The following TESMIN variants were observed in gnomAD, a reference collection of about 807,000 sequenced individuals.
TESMIN encodes CXC domain containing 2.
TESMIN carries 34 observed loss-of-function variants against 47.4 expected under a neutral mutation model. The observed-to-expected ratio is 0.72, with a 90% CI of 0.55 to 0.96. The LOEUF is 0.96. TESMIN is among the 40% of genes least tolerant of loss of function. The probability of loss-of-function intolerance (pLI) is 0.00; values close to 1 mark genes in which losing one functional copy is unlikely to be tolerated. For synonymous variants in TESMIN, 278 were observed against 258.9 expected, an observed-to-expected ratio of 1.07 and a Z score of -0.71; for missense variants, 610 against 637.2, an observed-to-expected ratio of 0.96 and a Z score of 0.46.
At chr11:68,731,054 G>C (rs935575898) in intron 6 of TESMIN, among the ~76,000 whole-genome samples, 4 of 152,176 alleles carry the variant, frequency 2.6e-5, no homozygotes, top group African/African-American at 9.7e-5. Context: ...GGAGGAAGAT[G>C]AACGAGTAAA....
chr11:68,746,344 C>G (rs1352260590), intron 3 of TESMIN, among the ~76,000 whole-genome samples: 1 of 152,170 alleles, frequency 6.6e-6, no homozygotes, highest in African/African-American at 2.4e-5. Flanking sequence ...TCCTGCTGAC[C>G]TGCTTTTAGG....
At chr11:68,737,141 A>C in intron 6 of TESMIN, 1 of 985,436 alleles carries the variant, frequency 1.0e-6, no homozygotes, top group Non-Finnish European at 1.2e-6. Flanking sequence ...ATCTGGAAGT[A>C]GCTGAAGTCA....
chr11:68,738,009 A>G, intron 6 of TESMIN: 1 of 985,562 alleles, frequency 1.0e-6, no homozygotes, highest in Non-Finnish European at 1.2e-6. Flanking sequence ...TCCATAATCA[A>G]CTACAGGGCT....
intron 4 of TESMIN, among the ~76,000 whole-genome samples, chr11:68,743,234 C>CTTTTT (rs57435562): frequency 4.1e-5 from 5 of 123,058 alleles, no homozygotes; most frequent in Non-Finnish European, 6.9e-5. Flanking sequence ...ACAGGAACTA[C>CTTTTT]TTTTTTTTTT....
Position 68,738,735 on chromosome 11 carries a change from T to G in TESMIN, c.882A>C (p.Ser294=). Residue 294 remains serine, a synonymous_variant, in exon 6 of 10, where the codon TCA becomes TCC. Transcript: ENST00000255087. ...VVNGSAFPSG[S]TLPGPPKITL... ...TTATTTTTGGTGGTCCTGGAAGAGT[T>G]GATCCCGAGGGGAAAGCAGACCCGT... The G allele has an allele frequency of 6.2e-7, 1 of 1,614,120 alleles. No individual in the cohort carries two copies. Among genetic ancestry groups the G allele is most frequent in the South Asian group, 1.1e-5 (1 of 91,072 alleles).
In TESMIN at chr11:68,750,068, CTG is replaced by C. The variant is rs775783656; in HGVS notation, c.471+120_471+121del. 2.2e-3 allele frequency: 1,652 copies of C among 763,182 alleles called. 8 individuals carry two copies. The highest frequency in any genetic ancestry group is 5.0e-3 in the Middle Eastern group (14 of 2,820). The allele number at this position is 763,182 out of a possible 1,614,324, so 47.3% of individuals were successfully genotyped here. ...ACCGAGAATCAGTGACTCCGGTGGG[CTG>C]TGTGTGGTGTCACCAGGGAAAATGC... On this transcript the variant is annotated intron_variant, in intron 2 of 9. Coordinates refer to ENST00000255087, the MANE Select transcript of TESMIN (RefSeq NM_004923.3).
chr11:68,705,071 C>T (rs1237629518), downstream of TESMIN, among the ~76,000 whole-genome samples: 1 of 152,206 alleles, frequency 6.6e-6, no homozygotes, highest in South Asian at 2.1e-4. Flanking sequence ...TCCTGTCGTG[C>T]TTCCTCCCTC....
intron 4 of TESMIN, among the ~76,000 whole-genome samples, chr11:68,742,945 C>T (rs962205588): frequency 6.6e-6 from 1 of 151,786 alleles, no homozygotes; most frequent in East Asian, 2.0e-4. Flanking sequence ...GGCACTACCA[C>T]GGTTCACTGC....
chr11:68,737,803 C>G (rs1946404942), intron 6 of TESMIN: 1 of 750,448 alleles, frequency 1.3e-6, no homozygotes, highest in South Asian at 6.1e-5. Context: ...GTCCCAGCTA[C>G]TCGGGAGGCT....
At chr11:68,732,679 G>A (rs1946342901) in intron 6 of TESMIN, 1 of 152,734 alleles carries the variant, frequency 6.5e-6, no homozygotes, top group Non-Finnish European at 1.5e-5. Flanking sequence ...CATCAGTCAT[G>A]TCATGGCGTT....
chr11:68,716,383 G>T (rs1389587813), intron 6 of TESMIN, among the ~76,000 whole-genome samples: 2 of 152,236 alleles, frequency 1.3e-5, no homozygotes, highest in African/African-American at 4.8e-5. Flanking sequence ...TTGACTTTGA[G>T]TGAAAACTAA....
At chr11:68,724,120 T>C (rs1273186061) in intron 6 of TESMIN, among the ~76,000 whole-genome samples, 2 of 152,246 alleles carry the variant, frequency 1.3e-5, no homozygotes, top group Non-Finnish European at 2.9e-5. Flanking sequence ...CTATCTCACT[T>C]GTGAACAAAG....
chr11:68,739,073 A>AGCTG (rs1200038304), intron 5 of TESMIN, among the ~76,000 whole-genome samples: 1 of 152,206 alleles, frequency 6.6e-6, no homozygotes, highest in Non-Finnish European at 1.5e-5. Context: ...GCTGTCACTC[A>AGCTG]GCTGGCCAGG....
At chr11:68,743,153 A>G (rs1270405850) in intron 4 of TESMIN, among the ~76,000 whole-genome samples, 1 of 151,942 alleles carries the variant, frequency 6.6e-6, no homozygotes, top group Admixed American at 6.6e-5. Flanking sequence ...CTGAGATTAC[A>G]GGCGTGAGCC....
At chr11:68,739,155 A>G (rs1214124285) in intron 5 of TESMIN, among the ~76,000 whole-genome samples, 1 of 152,262 alleles carries the variant, frequency 6.6e-6, no homozygotes, top group Non-Finnish European at 1.5e-5. Context: ...ACAAATTTCC[A>G]TAAACTAGAA....
intron 6 of TESMIN, among the ~76,000 whole-genome samples, chr11:68,717,795 AC>A (rs1017298357): frequency 6.6e-6 from 1 of 152,088 alleles, no homozygotes; most frequent in Non-Finnish European, 1.5e-5. Context: ...AGCAGCTGGG[AC>A]CCCCCTGCCA....
intron 6 of TESMIN, among the ~76,000 whole-genome samples, chr11:68,732,266 T>G (rs1354043174): frequency 6.6e-6 from 1 of 152,244 alleles, no homozygotes; most frequent in Non-Finnish European, 1.5e-5. Context: ...TTCTTACATG[T>G]GTCGGTCACC....
chr11:68,722,377 A>C (rs866296831), intron 6 of TESMIN, among the ~76,000 whole-genome samples: 1 of 152,216 alleles, frequency 6.6e-6, no homozygotes, highest in Non-Finnish European at 1.5e-5. Context: ...ATTTCATGCC[A>C]CTGAATTGTA....
At chr11:68,751,133 C>A (rs1263267181) in intron 1 of TESMIN, among the ~76,000 whole-genome samples, 1 of 72,566 alleles carries the variant, frequency 1.4e-5, no homozygotes, top group South Asian at 5.8e-4. Flanking sequence ...GAGGGGCGAC[C>A]AGGTAAGGGG....
Sources: allele counts gnomAD v4.1 joint callset (sites outside exome capture counted in the v4.1 genomes callset), GRCh38; gene constraint gnomAD v4.1.1; transcripts MANE v1.5; gene names NCBI Gene and HGNC (gene_info 2026-07-23, HGNC 2026-07-21).